Variants in LRPPRC observed in about 807,000 individuals in gnomAD.
LRPPRC encodes leucine-rich PPR motif-containing protein, mitochondrial.
In LRPPRC, 120 loss-of-function variants were observed where a neutral mutation model predicts 180.3. The observed-to-expected ratio is 0.67, with a 90% CI of 0.57 to 0.77. LRPPRC has a LOEUF of 0.77. LRPPRC is among the 30% of genes least tolerant of loss of function. LRPPRC has a pLI of 0.00. For missense variants in LRPPRC, 2,012 were observed against 1,657.2 expected, an observed-to-expected ratio of 1.21 and a Z score of -3.72; for synonymous variants, 723 against 600.0, an observed-to-expected ratio of 1.21 and a Z score of -3.00.
chr2:43,955,474 G>GAAAAAA (rs200193004), intron 14 of LRPPRC, among the ~76,000 whole-genome samples: 25 of 115,232 alleles, frequency 2.2e-4, no homozygotes, highest in Non-Finnish European at 2.2e-4. Context: ...GTCTCAAAAA[G>GAAAAAA]AAAAAAAAAA....
chr2:43,974,753 CAG>C lies in LRPPRC; in HGVS notation c.868_869del (p.Leu290GlyfsTer14). On this transcript the variant is annotated frameshift_variant, in exon 8 of 38. Transcript: ENST00000260665. LOFTEE classifies it high-confidence loss of function. Reference protein sequence around the residue: ...KGDIDHVKQTLEKVEKSELHL... With the variant: ...KGDIDHVKQTXEKVEKSELHL... Reference sequence around the variant, plus strand: ...GAAGCTCGGACTTCTCCACCTTCTCCAGAGTCTATAGAGAGTTCCAGAAATTA... The same window carrying C: ...GAAGCTCGGACTTCTCCACCTTCTCCAGTCTATAGAGAGTTCCAGAAATTA... 2 of 1,613,308 alleles carry C rather than the reference CAG, an allele frequency of 1.2e-6. No individual in the cohort carries two copies. Among genetic ancestry groups the C allele is most frequent in the South Asian group, 1.1e-5 (1 of 91,050 alleles).
intron 23 of LRPPRC, among the ~76,000 whole-genome samples, chr2:43,940,740 G>A (rs1672449057): frequency 6.6e-6 from 1 of 152,112 alleles, no homozygotes; most frequent in Non-Finnish European, 1.5e-5. Context: ...TTTAATATCT[G>A]ATGGCCCAGA....
At chr2:43,929,761 A>G (rs894958075) in intron 25 of LRPPRC, among the ~76,000 whole-genome samples, 2 of 152,166 alleles carry the variant, frequency 1.3e-5, no homozygotes, top group African/African-American at 4.8e-5. Flanking sequence ...AAAATTTTCC[A>G]AGATAGACTT....
chr2:43,995,720 A>G, intron 1 of LRPPRC, 79 bp downstream of exon 1: 1 of 1,263,446 alleles, frequency 7.9e-7, no homozygotes, highest in Non-Finnish European at 1.0e-6. Flanking sequence ...CACAGGCAGG[A>G]CCCGGTCCCT....
At chr2:43,976,511 C>T (rs1174451998) in intron 5 of LRPPRC, among the ~76,000 whole-genome samples, 43 of 151,914 alleles carry the variant, frequency 2.8e-4, no homozygotes, top group Non-Finnish European at 2.9e-5. Flanking sequence ...CTTTTAAAAG[C>T]ATAGTTTCAT....
chr2:43,954,541 T>C (rs928019700), intron 14 of LRPPRC, among the ~76,000 whole-genome samples: 1 of 152,210 alleles, frequency 6.6e-6, no homozygotes, highest in Non-Finnish European at 1.5e-5. Context: ...AATACAACTT[T>C]TTCTGGAAAA....
chr2:43,916,514 T>C (rs1390353841), intron 29 of LRPPRC, among the ~76,000 whole-genome samples: 1 of 152,220 alleles, frequency 6.6e-6, no homozygotes, highest in Non-Finnish European at 1.5e-5. Context: ...CATACTAGTA[T>C]AGTAATTAAT....
intron 1 of LRPPRC, among the ~76,000 whole-genome samples, chr2:43,991,674 T>C (rs532264013): frequency 6.6e-6 from 1 of 152,288 alleles, no homozygotes; most frequent in South Asian, 2.1e-4. Context: ...CCAGAAAGCA[T>C]CTATTTGAAA....
Position 43,972,203 on chromosome 2 carries a change from T to A in LRPPRC, c.1369+1404A>T, listed in dbSNP as rs892090687. Reference sequence around the variant, plus strand: ...GTGGAAGCTAAGGTCAGTCACTGAATGTCTGTGTGGCCCTCAGTTCCTTCA... The same window carrying A: ...GTGGAAGCTAAGGTCAGTCACTGAAAGTCTGTGTGGCCCTCAGTTCCTTCA... On this transcript the variant is annotated intron_variant, in intron 11 of 37. Transcript: ENST00000260665. Among the ~76,000 whole-genome samples the A allele has an allele frequency of 2.6e-5, 4 of 152,204 alleles. 1 individual carries two copies. The highest frequency in any genetic ancestry group is 9.6e-5 in the African/African-American group (4 of 41,460).
In LRPPRC at chr2:43,899,547, C is replaced by A; in HGVS notation, c.3628G>T (p.Val1210Phe). The A allele has an allele frequency of 6.2e-7, 1 of 1,611,590 alleles. No individual in the cohort carries two copies. Among genetic ancestry groups the A allele is most frequent in the Non-Finnish European group, 8.5e-7 (1 of 1,177,718 alleles). Residue 1210 changes from valine to phenylalanine, a missense_variant, in exon 33 of 38, where the codon GTC (valine) becomes TTC (phenylalanine). Physicochemically the swap from Val to Phe is conservative, Grantham distance 50. Transcript: ENST00000260665. ...IENMLTSENK[V>F]IEPQYFGLAY... ...AAGCCGAAGTATTGGGGTTCAATGACTTTATTCTCTGAAGTAAGCATATTT... is the reference window on the plus strand; with the variant it reads ...AAGCCGAAGTATTGGGGTTCAATGAATTTATTCTCTGAAGTAAGCATATTT...
chr2:43,921,366 T>C (rs1175517711), intron 27 of LRPPRC, among the ~76,000 whole-genome samples: 1 of 152,100 alleles, frequency 6.6e-6, no homozygotes, highest in African/African-American at 2.4e-5. Flanking sequence ...ATTCATCAAC[T>C]TCAGAGGTTT....
chr2:43,910,914 C>T (rs976721211), intron 30 of LRPPRC, among the ~76,000 whole-genome samples: 3 of 152,044 alleles, frequency 2.0e-5, no homozygotes, highest in Non-Finnish European at 4.4e-5. Flanking sequence ...TTTAAGTTTT[C>T]TGTCTTTGCT....
At chr2:43,990,434 A>AAC (rs1553415105) in intron 1 of LRPPRC, among the ~76,000 whole-genome samples, 1 of 152,138 alleles carries the variant, frequency 6.6e-6, no homozygotes, top group Non-Finnish European at 1.5e-5. Context: ...CGTTCCTATA[A>AAC]TCTACATAAA....
Position 43,954,624 on chromosome 2 carries a change from C to G in LRPPRC, c.1649+2761G>C, listed in dbSNP as rs537899444. Among the ~76,000 whole-genome samples, 3 of 152,258 alleles carry G rather than the reference C, an allele frequency of 2.0e-5. No individual in the cohort carries two copies. The South Asian group carries it at 6.2e-4, about 32-fold the overall frequency. ...ACGTCTCTTTTTTACATTCTAGCCA[C>G]TGAGGGGGGATAAACTAATGTATAT... On this transcript the variant is annotated intron_variant, in intron 14 of 37. Transcript: ENST00000260665.
chr2:43,909,142 C>T (rs1188004753), intron 30 of LRPPRC, among the ~76,000 whole-genome samples: 1 of 152,188 alleles, frequency 6.6e-6, no homozygotes, highest in Non-Finnish European at 1.5e-5. Context: ...TAATTCGTAA[C>T]TTGAACTTTC....
chr2:43,992,478 C>G (rs763644479), intron 1 of LRPPRC, among the ~76,000 whole-genome samples: 5 of 146,808 alleles, frequency 3.4e-5, no homozygotes, highest in Non-Finnish European at 5.9e-5. Flanking sequence ...GCAACTCCAG[C>G]TCATAAAGCA....
chr2:43,901,831 T>C, intron 31 of LRPPRC: 1 of 293,046 alleles, frequency 3.4e-6, no homozygotes, highest in South Asian at 4.8e-5. Flanking sequence ...TAAGTTCAAA[T>C]GAATACAAAT....
intron 29 of LRPPRC, among the ~76,000 whole-genome samples, chr2:43,915,950 C>G (rs10195479): frequency 0.63 from 95,300 of 151,868 alleles, 31,772 homozygotes; most frequent in East Asian, 0.96. Context: ...ATTTTCTGAA[C>G]AGATGGGATA....
At chr2:43,967,971 T>C (rs1228147776) in intron 11 of LRPPRC, among the ~76,000 whole-genome samples, 1 of 152,214 alleles carries the variant, frequency 6.6e-6, no homozygotes, top group Non-Finnish European at 1.5e-5. Flanking sequence ...TCTGAATTCC[T>C]AGTAATAGAT....
Sources: allele counts gnomAD v4.1 joint callset (sites outside exome capture counted in the v4.1 genomes callset), GRCh38; gene constraint gnomAD v4.1.1; transcripts MANE v1.5; gene names NCBI Gene and HGNC (gene_info 2026-07-23, HGNC 2026-07-21).